XKR9: variants seen among roughly 807,000 people sequenced by gnomAD.
XKR9 encodes the protein XK-related protein 9.
A neutral mutation model predicts 32.0 loss-of-function variants in XKR9; 32 were observed. The ratio of observed to expected loss-of-function variants is 1.00; its 90% CI spans 0.76 to 1.34. The LOEUF is 1.34. Among genes scored for constraint, XKR9 ranks in the 40% most tolerant of loss-of-function variants. The probability of loss-of-function intolerance (pLI) is 0.00; values close to 1 mark genes in which losing one functional copy is unlikely to be tolerated. For missense variants in XKR9, 546 were observed against 429.7 expected (o/e 1.27, Z -2.39); for synonymous variants, 168 against 143.4 (o/e 1.17, Z -1.22).
At chr8:70,749,036 A>G (rs1032212604) in intron 2 of XKR9, among the ~76,000 whole-genome samples, 1 of 152,172 alleles carries the variant, frequency 6.6e-6, no homozygotes, top group African/African-American at 2.4e-5. Flanking sequence ...GGAGCTACCC[A>G]CCATGGGTCT....
the XKR9 span, among the ~76,000 whole-genome samples, chr8:70,936,627 T>A: frequency 1.6e-4 from 25 of 152,070 alleles, no homozygotes; most frequent in Admixed American, 1.3e-4. Flanking sequence ...TGTTTCTAAA[T>A]GCGATGACTA....
the XKR9 span, among the ~76,000 whole-genome samples, chr8:70,937,710 TA>T: frequency 6.6e-6 from 1 of 152,000 alleles, no homozygotes; most frequent in Non-Finnish European, 1.5e-5. Context: ...CTGTTAAAAA[TA>T]AAATAATGAA....
the XKR9 span, among the ~76,000 whole-genome samples, chr8:70,988,053 A>G: frequency 6.6e-6 from 1 of 152,150 alleles, no homozygotes; most frequent in Non-Finnish European, 1.5e-5. Flanking sequence ...TAGGCTGCGC[A>G]CAGCTTGAGG....
chr8:71,024,266 T>C, the XKR9 span, among the ~76,000 whole-genome samples: 2 of 152,142 alleles, frequency 1.3e-5, no homozygotes, highest in African/African-American at 4.8e-5. Flanking sequence ...GTCTGCAGAG[T>C]GCTCTTTGGC....
intron 4 of XKR9, among the ~76,000 whole-genome samples, chr8:70,730,698 A>G (rs1276071055): frequency 1.3e-5 from 2 of 152,180 alleles, no homozygotes; most frequent in Non-Finnish European, 2.9e-5. Context: ...GCAAAGTTAC[A>G]CAAATAATAA....
At chr8:70,892,029 A>G in the XKR9 span, among the ~76,000 whole-genome samples, 2 of 152,038 alleles carry the variant, frequency 1.3e-5, no homozygotes, top group African/African-American at 4.8e-5. Flanking sequence ...ATCTCTTTTC[A>G]CAATTTTCCA....
chr8:70,750,009 C>CGT (rs1013848343), intron 2 of XKR9, among the ~76,000 whole-genome samples: 44 of 151,448 alleles, frequency 2.9e-4, no homozygotes, highest in African/African-American at 8.5e-4. Context: ...TGTATAAATG[C>CGT]GTGTGTGTGT....
the XKR9 span, among the ~76,000 whole-genome samples, chr8:70,979,769 G>C: frequency 6.6e-6 from 1 of 152,200 alleles, no homozygotes; most frequent in Non-Finnish European, 1.5e-5. Context: ...CATTGTGCTG[G>C]GAGAACCACT....
the XKR9 span, among the ~76,000 whole-genome samples, chr8:70,880,435 C>G: frequency 2.1e-3 from 315 of 152,162 alleles, 1 homozygote; most frequent in Non-Finnish European, 2.6e-3. Flanking sequence ...TGTCAGGATG[C>G]AAATCAATGT....
the XKR9 span, among the ~76,000 whole-genome samples, chr8:70,889,503 C>A: frequency 1.3e-5 from 2 of 151,724 alleles, no homozygotes; most frequent in South Asian, 4.2e-4. Flanking sequence ...GATCTCATCA[C>A]CCAGGTCCTG....
the XKR9 span, among the ~76,000 whole-genome samples, chr8:71,061,487 A>C: frequency 6.6e-6 from 1 of 152,212 alleles, no homozygotes; most frequent in Non-Finnish European, 1.5e-5. Flanking sequence ...TTCCAGGTGG[A>C]ACCAAATATA....
At chr8:70,798,760 G>T in the XKR9 span, among the ~76,000 whole-genome samples, 1 of 152,292 alleles carries the variant, frequency 6.6e-6, no homozygotes, top group South Asian at 2.1e-4. Flanking sequence ...TCAATCTTTT[G>T]CACATGGCTA....
At chr8:70,747,586 A>G (rs1006241979) in intron 2 of XKR9, among the ~76,000 whole-genome samples, 1 of 152,170 alleles carries the variant, frequency 6.6e-6, no homozygotes, top group East Asian at 1.9e-4. Context: ...TGGTCCCTTG[A>G]CCTTGGACTT....
the XKR9 span, among the ~76,000 whole-genome samples, chr8:70,804,447 G>A: frequency 6.6e-6 from 1 of 152,100 alleles, no homozygotes; most frequent in South Asian, 2.1e-4. Context: ...AACTTTCTAT[G>A]CCTCAATTAT....
chr8:70,897,029 T>C, the XKR9 span, among the ~76,000 whole-genome samples: 1 of 151,984 alleles, frequency 6.6e-6, no homozygotes, highest in Non-Finnish European at 1.5e-5. Flanking sequence ...CTTCACCCCA[T>C]TCCCCACTAC....
the XKR9 span, among the ~76,000 whole-genome samples, chr8:70,980,949 G>A: frequency 6.6e-6 from 1 of 152,170 alleles, no homozygotes; most frequent in Non-Finnish European, 1.5e-5. Context: ...TTCATTTAAG[G>A]AGGCTAAAAA....
chr8:70,900,954 C>G, the XKR9 span, among the ~76,000 whole-genome samples: 51 of 152,238 alleles, frequency 3.4e-4, no homozygotes, highest in African/African-American at 1.2e-3. Flanking sequence ...TGATGGTTTC[C>G]AGCTTCATCC....
chr8:71,029,967 G>A, the XKR9 span, among the ~76,000 whole-genome samples: 3 of 151,694 alleles, frequency 2.0e-5, no homozygotes, highest in South Asian at 6.3e-4. Flanking sequence ...GATCATTTGT[G>A]TATCTTTAAT....
chr8:70,761,500 G>C (rs897347608), intron 2 of XKR9, among the ~76,000 whole-genome samples: 2 of 152,072 alleles, frequency 1.3e-5, no homozygotes, highest in African/African-American at 2.4e-5. Flanking sequence ...GTTCGCACGT[G>C]TCTTCTTTTG....
Sources: gnomAD v4.1 joint callset for allele counts (sites outside exome capture counted in the v4.1 genomes callset) on GRCh38, gnomAD v4.1.1 for gene constraint, MANE v1.5 for transcripts, NCBI Gene and HGNC (gene_info 2026-07-23, HGNC 2026-07-21) for gene names.